Variants in RBFOX1 observed in about 807,000 individuals in gnomAD.
RBFOX1 encodes RNA binding protein fox-1 homolog 1.
In RBFOX1, 8 loss-of-function variants were observed where a neutral mutation model predicts 57.7. The ratio of observed to expected loss-of-function variants is 0.14; its 90% CI spans 0.08 to 0.25. RBFOX1 has a LOEUF of 0.25. Among genes scored for constraint, RBFOX1 ranks in the 10% least tolerant of loss-of-function variants. The probability of loss-of-function intolerance (pLI) is 1.00; values close to 1 mark genes in which losing one functional copy is unlikely to be tolerated. For missense variants in RBFOX1, 611 were observed against 548.5 expected, an observed-to-expected ratio of 1.11 and a Z score of -1.14; for synonymous variants, 326 against 222.4, an observed-to-expected ratio of 1.47 and a Z score of -4.15.
chr16:7,504,538 CAA>C (rs1215649993), intron 4 of RBFOX1, among the ~76,000 whole-genome samples: 3 of 148,460 alleles, frequency 2.0e-5, no homozygotes. Context: ...TCTCAGCCCA[CAA>C]AAAAAGGTCA....
chr16:5,949,212 C>T (rs1036063835), intron 4 of RBFOX1, among the ~76,000 whole-genome samples: 1 of 152,078 alleles, frequency 6.6e-6, no homozygotes, highest in East Asian at 1.9e-4. Flanking sequence ...TACTATACAG[C>T]CTGTGTCCAA....
chr16:5,802,952 T>G (rs1470043431), intron 3 of RBFOX1, among the ~76,000 whole-genome samples: 2 of 152,160 alleles, frequency 1.3e-5, no homozygotes, highest in Non-Finnish European at 2.9e-5. Flanking sequence ...GTCTTGAACT[T>G]TACCAGGATG....
At chr16:7,499,458 T>A (rs764231886) in intron 4 of RBFOX1, among the ~76,000 whole-genome samples, 1 of 151,228 alleles carries the variant, frequency 6.6e-6, no homozygotes, top group Non-Finnish European at 1.5e-5. Context: ...GCTGGGACTT[T>A]AGTATTGGAA....
At chr16:5,283,333 C>T (rs530400953) in intron 1 of RBFOX1, among the ~76,000 whole-genome samples, 98 of 152,306 alleles carry the variant, frequency 6.4e-4, no homozygotes, top group Non-Finnish European at 1.2e-3. Flanking sequence ...ACTGTGGCAC[C>T]ACCTAGTGGA....
intron 5 of RBFOX1, among the ~76,000 whole-genome samples, chr16:7,533,310 T>G (rs867561179): frequency 1.7e-4 from 26 of 152,356 alleles, no homozygotes; most frequent in African/African-American, 6.3e-4. Context: ...AAAAATGTGT[T>G]TGTGTAATGC....
chr16:6,939,927 T>C (rs1387701464), intron 3 of RBFOX1, among the ~76,000 whole-genome samples: 1 of 152,206 alleles, frequency 6.6e-6, no homozygotes, highest in African/African-American at 2.4e-5. Flanking sequence ...TAATCACAAC[T>C]CTGGTTTAAA....
chr16:7,451,516 A>C (rs1377206033), intron 4 of RBFOX1, among the ~76,000 whole-genome samples: 1 of 152,100 alleles, frequency 6.6e-6, no homozygotes, highest in Non-Finnish European at 1.5e-5. Flanking sequence ...GTATCAACTT[A>C]TAAGCAGTGG....
chr16:5,348,177 C>G (rs571811053), intron 1 of RBFOX1, among the ~76,000 whole-genome samples: 3 of 151,594 alleles, frequency 2.0e-5, no homozygotes, highest in Non-Finnish European at 4.4e-5. Context: ...TGTCTTTCCA[C>G]TCAATAATCT....
intron 1 of RBFOX1, among the ~76,000 whole-genome samples, chr16:6,206,872 TC>T (rs2097258762): frequency 6.6e-6 from 1 of 152,142 alleles, no homozygotes; most frequent in Non-Finnish European, 1.5e-5. Context: ...ACATTTTATC[TC>T]CCCTTTTCTG....
At chr16:6,436,788 A>T (rs897505886) in intron 2 of RBFOX1, among the ~76,000 whole-genome samples, 3 of 152,128 alleles carry the variant, frequency 2.0e-5, no homozygotes, top group Non-Finnish European at 4.4e-5. Context: ...GGATGAATGA[A>T]AATAGACACA....
chr16:7,055,016 G>T (rs925365782), intron 4 of RBFOX1, among the ~76,000 whole-genome samples: 2 of 152,020 alleles, frequency 1.3e-5, no homozygotes, highest in African/African-American at 4.8e-5. Flanking sequence ...TTTTTCTCAC[G>T]AAGCCTAAAT....
At chr16:5,607,649 G>A (rs760961081) in intron 3 of RBFOX1, among the ~76,000 whole-genome samples, 1 of 152,154 alleles carries the variant, frequency 6.6e-6, no homozygotes, top group African/African-American at 2.4e-5. Flanking sequence ...GTGAATGAAA[G>A]TGTCAGCTCT....
intron 1 of RBFOX1, among the ~76,000 whole-genome samples, chr16:5,461,665 C>A (rs377414353): frequency 3.9e-5 from 6 of 152,152 alleles, no homozygotes; most frequent in East Asian, 3.9e-4. Context: ...CAAAAATAGA[C>A]CTGGTGGCCA....
intron 2 of RBFOX1, among the ~76,000 whole-genome samples, chr16:6,567,538 A>G (rs1433957066): frequency 1.3e-5 from 2 of 151,924 alleles, no homozygotes; most frequent in Non-Finnish European, 2.9e-5. Context: ...CCTTCATAGC[A>G]CTTATTACTA....
At chr16:7,632,037 G>C (rs1007878945) in intron 11 of RBFOX1, among the ~76,000 whole-genome samples, 1 of 152,082 alleles carries the variant, frequency 6.6e-6, no homozygotes, top group African/African-American at 2.4e-5. Context: ...AGCCTCCCAA[G>C]TAGCCGGGAT....
At chr16:5,395,668 G>T (rs1197956404) in intron 1 of RBFOX1, among the ~76,000 whole-genome samples, 2 of 152,208 alleles carry the variant, frequency 1.3e-5, no homozygotes. Flanking sequence ...TGGGACCTGT[G>T]ACTTGTTTTT....
intron 2 of RBFOX1, among the ~76,000 whole-genome samples, chr16:5,518,876 C>G (rs1208397815): frequency 6.6e-6 from 1 of 152,160 alleles, no homozygotes; most frequent in African/African-American, 2.4e-5. Context: ...ACCCCCACTC[C>G]CACACATTCG....
At chr16:6,699,323 C>A (rs1019106567) in intron 3 of RBFOX1, among the ~76,000 whole-genome samples, 24 of 146,436 alleles carry the variant, frequency 1.6e-4, no homozygotes, top group Non-Finnish European at 3.0e-4. Context: ...TTTAAAGTGA[C>A]TTTCAGGATC....
intron 3 of RBFOX1, among the ~76,000 whole-genome samples, chr16:6,697,765 C>A (rs1045218365): frequency 6.6e-6 from 1 of 152,172 alleles, no homozygotes; most frequent in Non-Finnish European, 1.5e-5. Context: ...AGATACTGAG[C>A]AAACCAGATC....
Sources: allele counts gnomAD v4.1 joint callset (sites outside exome capture counted in the v4.1 genomes callset), GRCh38; gene constraint gnomAD v4.1.1; transcripts MANE v1.5; gene names NCBI Gene and HGNC (gene_info 2026-07-23, HGNC 2026-07-21).